Variants in DIP2C observed in about 807,000 individuals in gnomAD.
The protein encoded by DIP2C is disco-interacting protein 2 homolog C.
A neutral mutation model predicts 192.4 loss-of-function variants in DIP2C; 33 were observed. That is an observed-to-expected ratio of 0.17 (90% CI 0.13 to 0.23). The LOEUF (loss-of-function observed/expected upper bound fraction) is 0.23, where lower values mean the gene tolerates loss of function less well. Among genes scored for constraint, DIP2C ranks in the 10% least tolerant of loss-of-function variants. The probability of loss-of-function intolerance (pLI) is 1.00; values close to 1 mark genes in which losing one functional copy is unlikely to be tolerated. For synonymous variants in DIP2C, 979 were observed against 864.1 expected (o/e 1.13, Z -2.33); for missense variants, 1,537 against 2,110.1 (o/e 0.73, Z 5.32).
intron 1 of DIP2C, among the ~76,000 whole-genome samples, chr10:499,619 G>C (rs564408921): frequency 6.6e-6 from 1 of 152,240 alleles, no homozygotes; most frequent in East Asian, 1.9e-4. Flanking sequence ...TCGCAGGAAG[G>C]GAACACAGTT....
At chr10:588,570 C>T (rs1564237148) in intron 1 of DIP2C, among the ~76,000 whole-genome samples, 1 of 152,216 alleles carries the variant, frequency 6.6e-6, no homozygotes. Flanking sequence ...CCTATCAGGA[C>T]AGTAACAGAG....
intron 1 of DIP2C, among the ~76,000 whole-genome samples, chr10:581,206 C>A (rs1850630476): frequency 6.6e-6 from 1 of 152,170 alleles, no homozygotes; most frequent in African/African-American, 2.4e-5. Flanking sequence ...CTCTAGTCTA[C>A]TTGTTTCCCT....
At position 485,114 on chromosome 10, in the gene DIP2C, G is replaced by A. The variant is rs945793772; in HGVS notation, c.157+1345C>T. 5.9e-5 allele frequency among the ~76,000 whole-genome samples: 9 copies of A among 152,268 alleles called. No homozygotes were observed. The South Asian group carries it at 6.2e-4, about 11-fold the overall frequency. On this transcript the variant is annotated intron_variant, in intron 2 of 36. Transcript: ENST00000280886. ...GCCCGGCTAAGGCCAGGGCCACCGC[G>A]GGAGGCACGGTGCGCTGGAGAACCG...
At chr10:515,231 C>T (rs1028436268) in intron 1 of DIP2C, among the ~76,000 whole-genome samples, 1 of 152,214 alleles carries the variant, frequency 6.6e-6, no homozygotes, top group South Asian at 2.1e-4. Context: ...CTTTAAAAAT[C>T]TTAATACTGA....
At chr10:478,721 C>G (rs2133496922) in intron 2 of DIP2C, among the ~76,000 whole-genome samples, 2 of 151,992 alleles carry the variant, frequency 1.3e-5, no homozygotes, top group South Asian at 4.1e-4. Context: ...TCCGGGCGTG[C>G]TGGGGGTGTA....
chr10:440,498 T>C (rs187095213), intron 4 of DIP2C, among the ~76,000 whole-genome samples: 3 of 152,296 alleles, frequency 2.0e-5, no homozygotes, highest in Non-Finnish European at 4.4e-5. Flanking sequence ...ATATAGCACA[T>C]TTATATGAAG....
intron 9 of DIP2C, among the ~76,000 whole-genome samples, chr10:408,362 C>T (rs372315472): frequency 2.3e-4 from 35 of 152,226 alleles, no homozygotes; most frequent in African/African-American, 7.5e-4. Context: ...GTAAATTTTA[C>T]GATCAGGAAA....
intron 3 of DIP2C, among the ~76,000 whole-genome samples, chr10:463,842 C>T (rs937990451): frequency 6.6e-6 from 1 of 152,108 alleles, no homozygotes; most frequent in Non-Finnish European, 1.5e-5. Context: ...GAACACCACA[C>T]ATCTACAACC....
At chr10:578,266 G>A (rs560768802) in intron 1 of DIP2C, among the ~76,000 whole-genome samples, 1 of 152,148 alleles carries the variant, frequency 6.6e-6, no homozygotes, top group South Asian at 2.1e-4. Context: ...AACACTAGGA[G>A]GGATTTTGCT....
intron 17 of DIP2C, among the ~76,000 whole-genome samples, chr10:372,469 A>G (rs758009719): frequency 6.6e-6 from 1 of 152,252 alleles, no homozygotes; most frequent in Non-Finnish European, 1.5e-5. Flanking sequence ...TGTGTTTGCT[A>G]TAGGAACTTT....
chr10:427,759 C>T (rs1966687372), intron 4 of DIP2C, among the ~76,000 whole-genome samples: 3 of 152,108 alleles, frequency 2.0e-5, no homozygotes, highest in South Asian at 4.1e-4. Context: ...TACCAAAATA[C>T]CAACTGCTTC....
At chr10:332,860 C>T (rs951695983) in intron 29 of DIP2C, among the ~76,000 whole-genome samples, 1 of 152,060 alleles carries the variant, frequency 6.6e-6, no homozygotes, top group South Asian at 2.1e-4. Flanking sequence ...TGCCATCCAG[C>T]CCAGGGTCTC....
intron 1 of DIP2C, among the ~76,000 whole-genome samples, chr10:528,444 A>G (rs1032187727): frequency 2.7e-5 from 4 of 150,586 alleles, no homozygotes; most frequent in Non-Finnish European, 5.9e-5. Flanking sequence ...CTGCTCCCCC[A>G]GAACGCAGAC....
chr10:380,706 C>T (rs1267096220), intron 17 of DIP2C, among the ~76,000 whole-genome samples: 1 of 152,202 alleles, frequency 6.6e-6, no homozygotes, highest in Non-Finnish European at 1.5e-5. Context: ...ACGTGACGAC[C>T]TTTAAGAAGG....
Position 652,939 on chromosome 10 carries a change from C to A in DIP2C, c.85+36555G>T, listed in dbSNP as rs1856037347. Among the ~76,000 whole-genome samples, 1 of 152,032 alleles carries A rather than the reference C, an allele frequency of 6.6e-6. No individual in the cohort carries two copies. The highest frequency in any genetic ancestry group is 1.5e-5 in the Non-Finnish European group (1 of 67,996). On this transcript the variant is annotated intron_variant, in intron 1 of 36. Coordinates refer to ENST00000280886, the MANE Select transcript of DIP2C (RefSeq NM_014974.3). The surrounding 1 kb of genome is among the most constrained non-coding windows in gnomAD (Gnocchi z 4.5). ...TACCTCGCAGCAGCCACACACTGAGCCATAAACCCTCGCAAGACTGTGGGC... is the reference window on the plus strand; with the variant it reads ...TACCTCGCAGCAGCCACACACTGAGACATAAACCCTCGCAAGACTGTGGGC...
intron 1 of DIP2C, among the ~76,000 whole-genome samples, chr10:515,851 G>A (rs879681554): frequency 1.1e-4 from 16 of 152,036 alleles, no homozygotes; most frequent in Admixed American, 6.5e-4. Context: ...TTCTATTCTC[G>A]TCTCTAAACA....
At chr10:596,995 G>A (rs1428366131) in intron 1 of DIP2C, among the ~76,000 whole-genome samples, 6 of 152,354 alleles carry the variant, frequency 3.9e-5, no homozygotes, top group South Asian at 4.1e-4. Flanking sequence ...CAGGTGGCTG[G>A]TTCTGCATTA....
intron 28 of DIP2C, among the ~76,000 whole-genome samples, chr10:341,530 A>G (rs996696378): frequency 4.0e-5 from 6 of 151,104 alleles, no homozygotes; most frequent in Non-Finnish European, 8.8e-5. Context: ...ACCCGGGACA[A>G]TACGGGGCTG....
chr10:398,173 G>A (rs557089578), intron 10 of DIP2C, among the ~76,000 whole-genome samples: 2 of 152,174 alleles, frequency 1.3e-5, no homozygotes, highest in East Asian at 3.9e-4. Context: ...TCCTTTTCCT[G>A]ATCCAGGGGA....
Sources: allele counts gnomAD v4.1 joint callset (sites outside exome capture counted in the v4.1 genomes callset), GRCh38; gene constraint gnomAD v4.1.1; non-coding constraint Gnocchi (gnomAD v3.1); transcripts MANE v1.5; gene names NCBI Gene and HGNC (gene_info 2026-07-23, HGNC 2026-07-21).